The following BTBD16 variants were observed in gnomAD, a reference collection of about 807,000 sequenced individuals.
BTBD16 encodes BTB domain containing 16.
A neutral mutation model predicts 67.4 loss-of-function variants in BTBD16; 66 were observed. That is an observed-to-expected ratio of 0.98 (90% CI 0.80 to 1.20). The LOEUF (loss-of-function observed/expected upper bound fraction) is 1.20, where lower values mean the gene tolerates loss of function less well. Among genes scored for constraint, BTBD16 ranks in the 50% most tolerant of loss-of-function variants. The pLI, the probability that BTBD16 is intolerant of heterozygous loss-of-function variation, is 0.00. For synonymous variants in BTBD16, 242 were observed against 236.4 expected (o/e 1.02, Z -0.22); for missense variants, 634 against 616.0 (o/e 1.03, Z -0.31).
intron 3 of BTBD16, 90 bp from the exon 4 acceptor site, chr10:122,283,761 A>C: frequency 1.0e-6 from 1 of 987,530 alleles, no homozygotes; most frequent in Non-Finnish European, 1.6e-6. Flanking sequence ...TGGGTGCTTT[A>C]AGGACATTTA....
intron 10 of BTBD16, among the ~76,000 whole-genome samples, chr10:122,310,174 C>A (rs2096411267): frequency 6.6e-6 from 1 of 152,242 alleles, no homozygotes; most frequent in Non-Finnish European, 1.5e-5. Flanking sequence ...ATTGAGATAG[C>A]AGACACATTT....
At chr10:122,330,922 G>A (rs1005476490) in intron 11 of BTBD16, among the ~76,000 whole-genome samples, 13 of 152,154 alleles carry the variant, frequency 8.5e-5, no homozygotes, top group African/African-American at 3.1e-4. Flanking sequence ...GTTTCGCCAT[G>A]TTGGCCAGGC....
chr10:122,332,353 T>A, intron 12 of BTBD16, 83 bp from the exon 13 acceptor site: 1 of 1,326,998 alleles, frequency 7.5e-7, no homozygotes. Flanking sequence ...GGGGCAGGGG[T>A]CAAGGAAGAG....
intron 10 of BTBD16, among the ~76,000 whole-genome samples, chr10:122,320,812 T>C (rs548289585): frequency 6.6e-6 from 1 of 152,196 alleles, no homozygotes; most frequent in Non-Finnish European, 1.5e-5. Context: ...TTGGTAAAAA[T>C]TTTTTAAAAG....
intron 1 of BTBD16, among the ~76,000 whole-genome samples, chr10:122,272,592 T>C (rs4751888): frequency 0.43 from 64,504 of 151,766 alleles, 14,393 homozygotes; most frequent in East Asian, 0.62. Flanking sequence ...CCACCTGCCT[T>C]GGCCTCCCAA....
chr10:122,304,743 C>A (rs528144957), intron 9 of BTBD16, among the ~76,000 whole-genome samples: 26 of 152,010 alleles, frequency 1.7e-4, no homozygotes, highest in Non-Finnish European at 2.1e-4. Flanking sequence ...TTAGTAGAGA[C>A]GGGGTTTCAT....
chr10:122,277,047 A>C (rs1350810450), intron 3 of BTBD16, 108 bp downstream of exon 3: 15 of 1,314,682 alleles, frequency 1.1e-5, no homozygotes, highest in Non-Finnish European at 1.4e-5. Context: ...TCAAGGGCAC[A>C]TCTGCAAGGA....
intron 9 of BTBD16, 138 bp downstream of exon 9, chr10:122,299,272 C>G: frequency 8.9e-6 from 10 of 1,120,748 alleles, no homozygotes; most frequent in Non-Finnish European, 1.1e-5. Context: ...TGAGCCTTGG[C>G]TGGGGCTGGA....
intron 4 of BTBD16, among the ~76,000 whole-genome samples, chr10:122,285,780 C>T (rs1341464198): frequency 6.6e-6 from 1 of 152,142 alleles, no homozygotes; most frequent in Non-Finnish European, 1.5e-5. Context: ...ACAATGTCCT[C>T]GTTCCATGAA....
At chr10:122,304,669 C>A (rs1221953192) in intron 9 of BTBD16, among the ~76,000 whole-genome samples, 1 of 151,298 alleles carries the variant, frequency 6.6e-6, no homozygotes, top group Non-Finnish European at 1.5e-5. Context: ...ATTCTCCTGC[C>A]TCAGCCTCCT....
chr10:122,298,987 G>C lies in BTBD16; in HGVS notation c.661-17G>C. 2 of 1,612,634 alleles carry C rather than the reference G, an allele frequency of 1.2e-6. No individual in the cohort carries two copies. The highest frequency in any genetic ancestry group is 1.7e-6 in the Non-Finnish European group (2 of 1,179,694). Reference sequence around the variant, plus strand: ...AGCTCAGGACTTCCTTCATCAACTGGCTTTTTTTTGTCTTAGTACAAGGAA... The same window carrying C: ...AGCTCAGGACTTCCTTCATCAACTGCCTTTTTTTTGTCTTAGTACAAGGAA... On this transcript the variant is annotated splice_polypyrimidine_tract_variant and intron_variant, in intron 8 of 15. Transcript: ENST00000260723.
At position 122,336,502 on chromosome 10, in the gene BTBD16, G is replaced by A; in HGVS notation, c.1272G>A (p.Lys424=). The change falls in exon 15 of 16, where the codon AAG becomes AAA. Residue 424 remains lysine (K), a synonymous_variant. Transcript: ENST00000260723. ...AATCACTCTCTTTGCAGAGAATAAA[G>A]CACACAGACCTGGAATCTCCCTCTG... is the stretch of plus-strand genomic sequence containing the variant. ...TSYSFYMQRI[K]HTDLESPSAV... The A allele has an allele frequency of 6.2e-7, 1 of 1,605,626 alleles. No individual in the cohort carries two copies. The highest frequency in any genetic ancestry group is 8.5e-7 in the Non-Finnish European group (1 of 1,176,514).
chr10:122,331,305 T>G, intron 12 of BTBD16, 47 bp downstream of exon 12: 1 of 1,600,918 alleles, frequency 6.2e-7, no homozygotes, highest in Non-Finnish European at 8.5e-7. Context: ...GTTTATTGCC[T>G]CTCTGACTTT....
chr10:122,276,033 A>G (rs1392014362), intron 2 of BTBD16, among the ~76,000 whole-genome samples: 1 of 152,252 alleles, frequency 6.6e-6, no homozygotes, highest in Non-Finnish European at 1.5e-5. Flanking sequence ...CCTTAAAAGA[A>G]TGAAGTACCA....
intron 4 of BTBD16, among the ~76,000 whole-genome samples, chr10:122,284,327 T>C (rs960134409): frequency 4.8e-4 from 73 of 152,080 alleles, no homozygotes; most frequent in Admixed American, 2.6e-3. Context: ...CATGCACATG[T>C]AATCCCAGCT....
At chr10:122,303,058 G>GA (rs1005420211) in intron 9 of BTBD16, among the ~76,000 whole-genome samples, 1 of 151,658 alleles carries the variant, frequency 6.6e-6, no homozygotes, top group African/African-American at 2.4e-5. Context: ...TGTAGTTTCT[G>GA]AAAAAAAAGT....
chr10:122,327,247 G>A (rs755111327), intron 10 of BTBD16, among the ~76,000 whole-genome samples: 37 of 152,288 alleles, frequency 2.4e-4, no homozygotes, highest in Middle Eastern at 6.8e-3. Flanking sequence ...TATCTTTGAG[G>A]TGGCCCATAA....
At chr10:122,312,353 C>T (rs1437375748) in intron 10 of BTBD16, among the ~76,000 whole-genome samples, 1 of 136,374 alleles carries the variant, frequency 7.3e-6, no homozygotes, top group Non-Finnish European at 1.5e-5. Flanking sequence ...CGCTCTGTCT[C>T]CCAGGCTGGA....
intron 15 of BTBD16, 46 bp downstream of exon 15, chr10:122,336,728 C>T: frequency 6.7e-7 from 1 of 1,496,930 alleles, no homozygotes; most frequent in Non-Finnish European, 8.9e-7. Flanking sequence ...TTTGCTCTTT[C>T]TCTCCCCCAT....
Sources: gnomAD v4.1 joint callset for allele counts (sites outside exome capture counted in the v4.1 genomes callset) on GRCh38, gnomAD v4.1.1 for gene constraint, MANE v1.5 for transcripts, NCBI Gene and HGNC (gene_info 2026-07-23, HGNC 2026-07-21) for gene names.